The following RPUSD2 variants were observed in gnomAD, a reference collection of about 807,000 sequenced individuals.
The protein encoded by RPUSD2 is RNA pseudouridine synthase domain containing 2.
Under a neutral mutation model 41.5 loss-of-function variants are expected in RPUSD2, and 31 were observed. That is an observed-to-expected ratio of 0.75 (90% CI 0.56 to 1.01). RPUSD2 has a LOEUF of 1.01. RPUSD2 is among the 50% of genes least tolerant of loss of function. RPUSD2 has a pLI of 0.00. For missense variants in RPUSD2, 749 were observed against 724.7 expected (o/e 1.03, Z -0.38); for synonymous variants, 305 against 289.7 (o/e 1.05, Z -0.54).
Position 40,573,511 on chromosome 15 carries a change from C to A in RPUSD2, c.904-16C>A. 6.3e-7 allele frequency: 1 copy of A among 1,598,322 alleles called. No homozygotes were observed. The highest frequency in any genetic ancestry group is 8.5e-7 in the Non-Finnish European group (1 of 1,171,532). Reference sequence around the variant, plus strand: ...TAGGCTTTGTACTGACTTTCTCCCTCTTCCCTCCTATGTAGCTGGAGAAGG... The same window carrying A: ...TAGGCTTTGTACTGACTTTCTCCCTATTCCCTCCTATGTAGCTGGAGAAGG... On this transcript the variant is annotated splice_polypyrimidine_tract_variant and intron_variant, in intron 2 of 2. Transcript: ENST00000315616.
rs769245958 is a variant in RPUSD2 at position 40,571,638 on chromosome 15, A to G, written c.641A>G (p.His214Arg). The stretch of plus-strand genomic sequence containing the variant: ...TTCTTGCGGAACACAGTGCACAGGC[A>G]TGAGCCACCAGTCACAGCAGAGCCC... ...NDFLRNTVHR[H>R]EPPVTAEPIR... Residue 214 changes from histidine to arginine, a missense_variant, in exon 2 of 3, where the codon CAT becomes CGT. Transcript: ENST00000315616. 7 of 1,614,242 alleles carry G rather than the reference A, an allele frequency of 4.3e-6. No individual in the cohort carries two copies. In the Admixed American group the frequency reaches 1.2e-4, roughly 27 times the overall value.
chr15:40,569,814 C>T lies in RPUSD2; in HGVS notation c.477C>T (p.Gly159=), dbSNP rs760191853. The change falls in exon 1 of 3, where the codon GGC becomes GGT. Residue 159 remains glycine (G), a synonymous_variant. Transcript: ENST00000315616. ...CCTACTGCAAAGGTCGCTGGGTGGG[C>T]CACAGCTTGCTGCACGTCTTCAGTA... The part of the protein sequence containing the change: ...FRTYCKGRWV[G]HSLLHVFSTE... 1 of 1,613,298 alleles carries T rather than the reference C, an allele frequency of 6.2e-7. No homozygotes were observed. Among genetic ancestry groups the T allele is most frequent in the Admixed American group, 1.7e-5 (1 of 59,904 alleles).
intron 1 of RPUSD2, among the ~76,000 whole-genome samples, 161 bp from the exon 2 acceptor site, chr15:40,571,443 A>G (rs756916846): frequency 6.6e-6 from 1 of 152,040 alleles, no homozygotes; most frequent in African/African-American, 2.4e-5. Context: ...GTCTGTCTGT[A>G]TTTTTACAAA....
At chr15:40,570,393 G>A (rs1891112108) in intron 1 of RPUSD2, among the ~76,000 whole-genome samples, 1 of 152,138 alleles carries the variant, frequency 6.6e-6, no homozygotes, top group African/African-American at 2.4e-5. Flanking sequence ...AGTAGGTATT[G>A]CCACTCCATT....
intron 2 of RPUSD2, 61 bp downstream of exon 2, chr15:40,571,961 A>C (rs1891152508): frequency 1.0e-5 from 16 of 1,535,594 alleles, no homozygotes; most frequent in African/African-American, 1.4e-5. Context: ...TCTGTGTCAA[A>C]AGGGCATCAT....
rs1891221724 is a variant in RPUSD2, at chr15:40,574,915, G to T, written c.*654G>T. ...TGTTTGGATTTGCCTGTTTATTCTG[G>T]ACATTTTATATAAATGGAATGATAA... On this transcript the variant is annotated 3_prime_UTR_variant, in exon 3 of 3. Coordinates refer to ENST00000315616, the MANE Select transcript of RPUSD2 (RefSeq NM_152260.3). 1.3e-5 allele frequency: 2 copies of T among 152,120 alleles called. No individual in the cohort carries two copies. The highest frequency in any genetic ancestry group is 4.8e-5 in the African/African-American group (2 of 41,406). 9.4% of individuals were successfully genotyped at this position (152,120 alleles called of 1,614,324 possible).
intron 1 of RPUSD2, among the ~76,000 whole-genome samples, chr15:40,570,722 A>G (rs1202562143): frequency 1.3e-5 from 2 of 152,192 alleles, no homozygotes; most frequent in South Asian, 2.1e-4. Flanking sequence ...CCATTGATCA[A>G]TCGATTTGCG....
intron 1 of RPUSD2, 90 bp from the exon 2 acceptor site, chr15:40,571,514 T>C (rs1448164578): frequency 8.2e-7 from 1 of 1,213,472 alleles, no homozygotes; most frequent in Non-Finnish European, 1.2e-6. Context: ...CATTTTTCCA[T>C]GTCAGTGAGG....
chr15:40,569,370 T>G lies in RPUSD2; in HGVS notation c.33T>G (p.Val11=), dbSNP rs749986510. The part of the protein sequence containing the change: MWLDRRGWLR[V]LGHWRYDLRR... ...TGGACCGCCGCGGATGGCTCAGGGT[T>G]CTTGGACATTGGCGCTACGACCTTA... Residue 11 remains valine (V), a synonymous_variant, in exon 1 of 3, where the codon GTT becomes GTG. Transcript: ENST00000315616. 5.3e-6 allele frequency: 8 copies of G among 1,511,744 alleles called. No homozygotes were observed. The East Asian group carries it at 1.6e-4, about 31-fold the overall frequency. 93.6% of individuals were successfully genotyped at this position (1,511,744 alleles called of 1,614,324 possible).
intron 2 of RPUSD2, 75 bp from the exon 3 acceptor site, chr15:40,573,452 T>C: frequency 1.3e-6 from 2 of 1,512,544 alleles, no homozygotes; most frequent in South Asian, 1.3e-5. Context: ...CACTGGTCCT[T>C]ATCACTCCAC....
At chr15:40,571,459 A>T in intron 1 of RPUSD2, 145 bp from the exon 2 acceptor site, 1 of 709,202 alleles carries the variant, frequency 1.4e-6, no homozygotes, top group Admixed American at 2.8e-5. Flanking sequence ...ACAAAATGAG[A>T]TCACACTCTG....
rs1246667381 is a variant in RPUSD2, at chr15:40,574,697, A to AC, written c.*436_*437insC. ...CAGAGTGAGACCCTGTCTCTTAAAA[A>AC]AAAAAAAAATTAACCAATTTAAGAT... On this transcript the variant is annotated 3_prime_UTR_variant, in exon 3 of 3. Coordinates refer to ENST00000315616, the MANE Select transcript of RPUSD2 (RefSeq NM_152260.3). 6.4e-6 allele frequency: 1 copy of AC among 156,672 alleles called. No individual in the cohort carries two copies. The highest frequency in any genetic ancestry group is 1.4e-5 in the Non-Finnish European group (1 of 71,060). 9.7% of individuals were successfully genotyped at this position (156,672 alleles called of 1,614,324 possible).
At chr15:40,572,038 CAA>C in intron 2 of RPUSD2, 138 bp downstream of exon 2, 1 of 898,022 alleles carries the variant, frequency 1.1e-6, no homozygotes, top group African/African-American at 1.7e-5. Flanking sequence ...TAAGGCAGGT[CAA>C]CACCTAAAGT....
intron 2 of RPUSD2, among the ~76,000 whole-genome samples, chr15:40,572,729 C>T (rs1354230311): frequency 6.6e-6 from 1 of 152,116 alleles, no homozygotes; most frequent in Non-Finnish European, 1.5e-5. Flanking sequence ...AAGACTCCGT[C>T]TCAAAGAAAT....
At chr15:40,570,712 C>G (rs755895684) in intron 1 of RPUSD2, among the ~76,000 whole-genome samples, 2 of 152,170 alleles carry the variant, frequency 1.3e-5, no homozygotes, top group Non-Finnish European at 2.9e-5. Flanking sequence ...GTAACTTGTT[C>G]CATTGATCAA....
Position 40,573,872 on chromosome 15 carries a change from G to A in RPUSD2, c.1249G>A (p.Ala417Thr), listed in dbSNP as rs1328887694. ...TNEELLRDLV[A>T]EHQAKQSLDV... ...CGAGGAGTTGCTACGGGACCTGGTA[G>A]CAGAGCACCAGGCCAAACAGAGCCT... The change falls in exon 3 of 3, where the codon GCA (alanine) becomes ACA (threonine). Residue 417 changes from alanine to threonine, a missense_variant. Physicochemically the swap from Ala to Thr is moderately conservative, Grantham distance 58. Transcript: ENST00000315616. 6.2e-7 allele frequency: 1 copy of A among 1,614,158 alleles called. No homozygotes were observed. Among genetic ancestry groups the A allele is most frequent in the Non-Finnish European group, 8.5e-7 (1 of 1,180,002 alleles).
chr15:40,569,622 C>A lies in RPUSD2; in HGVS notation c.285C>A (p.Gly95=). ...AGCATCCCTCGGCTGCAGCCCCAGGCCCGGGCAAGCATAAGAAGCGGCGGG... is the reference window on the plus strand; with the variant it reads ...AGCATCCCTCGGCTGCAGCCCCAGGACCGGGCAAGCATAAGAAGCGGCGGG... The part of the protein sequence containing the change: ...GGEHPSAAAP[G]PGKHKKRRGA... Residue 95 remains glycine, a synonymous_variant, in exon 1 of 3, where the codon GGC becomes GGA. Coordinates refer to ENST00000315616, the MANE Select transcript of RPUSD2 (RefSeq NM_152260.3). 6.5e-7 allele frequency: 1 copy of A among 1,537,966 alleles called. No homozygotes were observed. The highest frequency in any genetic ancestry group is 8.8e-7 in the Non-Finnish European group (1 of 1,140,790).
In RPUSD2 at chr15:40,569,865, C is replaced by A; in HGVS notation, c.528C>A (p.Ala176=). The change falls in exon 1 of 3, where the codon GCC becomes GCA. Residue 176 remains alanine (A), a synonymous_variant. Transcript: ENST00000315616. The part of the protein sequence containing the change: ...FSTEFRAQPL[A]YYEAAVRAGR... ...CCGAGTTCCGAGCTCAGCCCCTGGC[C>A]TACTATGAGGCCGCGGTCCGGGCGG... 6.2e-7 allele frequency: 1 copy of A among 1,606,662 alleles called. No individual in the cohort carries two copies. Among genetic ancestry groups the A allele is most frequent in the Non-Finnish European group, 8.5e-7 (1 of 1,176,784 alleles).
At chr15:40,571,180 C>G (rs936327658) in intron 1 of RPUSD2, among the ~76,000 whole-genome samples, 2 of 152,074 alleles carry the variant, frequency 1.3e-5, no homozygotes, top group Non-Finnish European at 2.9e-5. Context: ...TTAGTAGAGA[C>G]AGAGTTTGAC....
Sources: gnomAD v4.1 joint callset for allele counts (sites outside exome capture counted in the v4.1 genomes callset) on GRCh38, gnomAD v4.1.1 for gene constraint, MANE v1.5 for transcripts, NCBI Gene and HGNC (gene_info 2026-07-23, HGNC 2026-07-21) for gene names.